VPS53: variants seen among roughly 807,000 people sequenced by gnomAD.
VPS53 encodes vacuolar protein sorting-associated protein 53 homolog.
A neutral mutation model predicts 107.0 loss-of-function variants in VPS53; 70 were observed. That is an observed-to-expected ratio of 0.65 (90% CI 0.54 to 0.80). VPS53 has a LOEUF of 0.80. Among genes scored for constraint, VPS53 ranks in the 30% least tolerant of loss-of-function variants. VPS53 has a pLI of 0.00. For synonymous variants in VPS53, 409 were observed against 393.3 expected, an observed-to-expected ratio of 1.04 and a Z score of -0.47; for missense variants, 917 against 1,049.4, an observed-to-expected ratio of 0.87 and a Z score of 1.74.
rs1908184919 is a variant in VPS53 at position 514,779 on chromosome 17, TCA to T, written c.*4347_*4348del. 6.6e-6 allele frequency: 1 copy of T among 152,562 alleles called. No homozygotes were observed. Among genetic ancestry groups the T allele is most frequent in the South Asian group, 2.1e-4 (1 of 4,838 alleles). 9.5% of individuals were successfully genotyped at this position (152,562 alleles called of 1,614,324 possible). A position where few individuals can be genotyped will look rare whatever the true frequency, so the allele number is the denominator to read the frequency against. On this transcript the variant is annotated 3_prime_UTR_variant, in exon 22 of 22. Coordinates refer to ENST00000437048, the MANE Select transcript of VPS53 (RefSeq NM_001128159.3). ...CATGCTGGTCTCAGCTTGTCTGCTC[TCA>T]GTCCTGTCTGATCTGCACAGAGGAG...
At chr17:650,978 T>G (rs1365675197) in intron 7 of VPS53, among the ~76,000 whole-genome samples, 3 of 152,248 alleles carry the variant, frequency 2.0e-5, no homozygotes, top group African/African-American at 7.2e-5. Context: ...TGAAACCATT[T>G]AGTTAAAACA....
intron 4 of VPS53, among the ~76,000 whole-genome samples, chr17:662,827 G>GAAAAAA (rs1567719963): frequency 7.4e-6 from 1 of 134,572 alleles, no homozygotes; most frequent in Admixed American, 7.6e-5. Flanking sequence ...GAAAGAGAAA[G>GAAAAAA]AGAAAGAAAG....
rs542938075 is a variant in VPS53, at chr17:550,864, C to T, written c.1866+1008G>A. Among the ~76,000 whole-genome samples the T allele has an allele frequency of 5.9e-4, 90 of 151,894 alleles. 1 individual carries two copies. The highest frequency in any genetic ancestry group is 1.1e-3 in the Non-Finnish European group (73 of 67,970). On this transcript the variant is annotated intron_variant, in intron 17 of 21. Coordinates refer to ENST00000437048, the MANE Select transcript of VPS53 (RefSeq NM_001128159.3). ...CCAAGGGCTGACTGATGGGCCACCACGATATTAGAAAACCAGAGTTCACAA... is the reference window on the plus strand; with the variant it reads ...CCAAGGGCTGACTGATGGGCCACCATGATATTAGAAAACCAGAGTTCACAA...
intron 7 of VPS53, among the ~76,000 whole-genome samples, chr17:645,882 T>C (rs12946410): frequency 0.05 from 2,246 of 44,828 alleles, no homozygotes; most frequent in Middle Eastern, 0.11. Flanking sequence ...GACCGCGTGG[T>C]CTCTGCCTGA....
intron 7 of VPS53, among the ~76,000 whole-genome samples, chr17:644,163 C>T (rs1970586033): frequency 6.6e-6 from 1 of 152,170 alleles, no homozygotes; most frequent in Non-Finnish European, 1.5e-5. Flanking sequence ...CTCTTTCCTC[C>T]AATGCTACAT....
chr17:596,918 A>T (rs1968000918), intron 12 of VPS53, among the ~76,000 whole-genome samples: 1 of 152,226 alleles, frequency 6.6e-6, no homozygotes, highest in Non-Finnish European at 1.5e-5. Context: ...CTGTTGTCAC[A>T]GTGAGGAGGT....
intron 19 of VPS53, among the ~76,000 whole-genome samples, chr17:523,690 T>G (rs1223144694): frequency 6.6e-6 from 1 of 152,242 alleles, no homozygotes; most frequent in Non-Finnish European, 1.5e-5. Flanking sequence ...GTCAAAGGCC[T>G]GCACCACGCA....
intron 12 of VPS53, among the ~76,000 whole-genome samples, chr17:587,342 C>T (rs1173254156): frequency 3.9e-5 from 6 of 152,206 alleles, no homozygotes; most frequent in Admixed American, 6.5e-5. Flanking sequence ...GGCTTATAGG[C>T]ATGAGGCATG....
Position 596,955 on chromosome 17 carries a change from T to C in VPS53, c.1218+4840A>G, listed in dbSNP as rs552858737. On this transcript the variant is annotated intron_variant, in intron 12 of 21. Coordinates refer to ENST00000437048, the MANE Select transcript of VPS53 (RefSeq NM_001128159.3). ...TGCAGCTGGTCCCACTTCCTTTCAT[T>C]ACTACCCAATGTAAACAGATTAAAT... Among the ~76,000 whole-genome samples, 91 of 152,300 alleles carry C rather than the reference T, an allele frequency of 6.0e-4. No individual in the cohort carries two copies. The South Asian group carries it at 7.5e-3, about 13-fold the overall frequency.
intron 10 of VPS53, 70 bp from the exon 11 acceptor site, chr17:623,744 G>A: frequency 6.8e-7 from 1 of 1,466,382 alleles, no homozygotes; most frequent in Non-Finnish European, 9.1e-7. Context: ...AAGGTAAATG[G>A]CCTTAGCTTA....
Position 653,334 on chromosome 17 carries a change from G to C in VPS53, c.565C>G (p.His189Asp). The change falls in exon 7 of 22, where the codon CAC becomes GAC. Residue 189 changes from histidine to aspartate, a missense_variant. Transcript: ENST00000437048. ...ATCTGCGGAATCCCCATATACTTGTGGAAGTGCTCCAGGACATTCATCACA... is the reference window on the plus strand; with the variant it reads ...ATCTGCGGAATCCCCATATACTTGTCGAAGTGCTCCAGGACATTCATCACA... The part of the protein sequence containing the change: ...QGVMNVLEHF[H>D]KYMGIPQIRQ... 1 of 1,614,100 alleles carries C rather than the reference G, an allele frequency of 6.2e-7. No individual in the cohort carries two copies. The highest frequency in any genetic ancestry group is 8.5e-7 in the Non-Finnish European group (1 of 1,180,042).
chr17:604,361 G>A (rs529221772), intron 11 of VPS53, among the ~76,000 whole-genome samples: 29 of 151,980 alleles, frequency 1.9e-4, no homozygotes, highest in African/African-American at 5.1e-4. Context: ...TCTCGCTGGC[G>A]TAAAGCATCA....
intron 11 of VPS53, among the ~76,000 whole-genome samples, chr17:611,884 A>T (rs1968895582): frequency 6.6e-6 from 1 of 152,120 alleles, no homozygotes; most frequent in Non-Finnish European, 1.5e-5. Flanking sequence ...TACAGTGAAA[A>T]CCTGTACTGA....
intron 17 of VPS53, among the ~76,000 whole-genome samples, chr17:543,136 T>C (rs1026555210): frequency 6.6e-6 from 1 of 152,204 alleles, no homozygotes; most frequent in South Asian, 2.1e-4. Context: ...CTGAAACAGA[T>C]GTGCATTTTA....
In VPS53 at chr17:669,163, G is replaced by C. The variant is rs115000932; in HGVS notation, c.286-7268C>G. On this transcript the variant is annotated intron_variant, in intron 4 of 21. Transcript: ENST00000437048. The stretch of plus-strand genomic sequence containing the variant: ...ATGAGTCATATAGAAAGATTGTTTT[G>C]CAACTGGAAGAATCATGGGTCCTAC... Among the ~76,000 whole-genome samples the C allele has an allele frequency of 2.7e-3, 408 of 152,210 alleles. 3 individuals are homozygous for C. The highest frequency in any genetic ancestry group is 9.2e-3 in the African/African-American group (384 of 41,548).
intron 19 of VPS53, among the ~76,000 whole-genome samples, chr17:528,324 C>T (rs571295955): frequency 1.3e-5 from 2 of 152,310 alleles, no homozygotes; most frequent in Admixed American, 6.5e-5. Context: ...CTGTTCTGGA[C>T]ATTTCACAGA....
At chr17:579,191 C>G (rs1213899255) in intron 13 of VPS53, among the ~76,000 whole-genome samples, 1 of 150,542 alleles carries the variant, frequency 6.6e-6, no homozygotes, top group African/African-American at 2.4e-5. Context: ...GAATCTCCCT[C>G]AGAACCTAAT....
chr17:667,656 G>T (rs1290173944), intron 4 of VPS53, among the ~76,000 whole-genome samples: 4 of 8,752 alleles, frequency 4.6e-4, no homozygotes, highest in African/African-American at 9.7e-4. Context: ...ATAATGTTCT[G>T]GGGGGGGGGG....
chr17:570,357 G>A (rs1913924889), intron 13 of VPS53, among the ~76,000 whole-genome samples: 1 of 113,964 alleles, frequency 8.8e-6, no homozygotes, highest in Non-Finnish European at 1.7e-5. Flanking sequence ...GGAATAGAGT[G>A]AAACGACTCT....
Sources: gnomAD v4.1 joint callset for allele counts (sites outside exome capture counted in the v4.1 genomes callset) on GRCh38, gnomAD v4.1.1 for gene constraint, MANE v1.5 for transcripts, NCBI Gene and HGNC (gene_info 2026-07-23, HGNC 2026-07-21) for gene names.